INPP5A: variants seen among roughly 807,000 people sequenced by gnomAD.
INPP5A encodes the protein inositol polyphosphate-5-phosphatase A, also known as 43 kDa inositol polyphosphate 5-phophatase.
Under a neutral mutation model 65.2 loss-of-function variants are expected in INPP5A, and 14 were observed. The ratio of observed to expected loss-of-function variants is 0.21; its 90% CI spans 0.14 to 0.34. The LOEUF (loss-of-function observed/expected upper bound fraction) is 0.34, where lower values mean the gene tolerates loss of function less well. Ranked by LOEUF, INPP5A falls within the 10% of genes least tolerant of loss-of-function variation. INPP5A has a pLI of 1.00. For synonymous variants in INPP5A, 207 were observed against 208.3 expected, an observed-to-expected ratio of 0.99 and a Z score of 0.05; for missense variants, 431 against 545.6, an observed-to-expected ratio of 0.79 and a Z score of 2.09.
chr10:132,592,540 C>A (rs1418574594), intron 1 of INPP5A, among the ~76,000 whole-genome samples: 1 of 152,108 alleles, frequency 6.6e-6, no homozygotes, highest in African/African-American at 2.4e-5. Context: ...CTCAGCCTCC[C>A]AAGTAGCTGG....
intron 11 of INPP5A, among the ~76,000 whole-genome samples, chr10:132,761,171 C>T (rs112745330): frequency 1.7e-3 from 260 of 152,334 alleles, no homozygotes; most frequent in African/African-American, 5.7e-3. Flanking sequence ...GCCACATGCC[C>T]GTCTCTGGGT....
intron 4 of INPP5A, among the ~76,000 whole-genome samples, chr10:132,679,600 G>A (rs949152425): frequency 6.6e-6 from 1 of 152,122 alleles, no homozygotes; most frequent in Non-Finnish European, 1.5e-5. Context: ...TAGCCTAGAA[G>A]TAACAGAGTT....
chr10:132,653,972 A>G (rs756778991), intron 4 of INPP5A, among the ~76,000 whole-genome samples: 3 of 152,204 alleles, frequency 2.0e-5, no homozygotes, highest in Non-Finnish European at 4.4e-5. Flanking sequence ...CCCATTCTTC[A>G]GCACACACGC....
chr10:132,544,703 TAAGCC>T (rs879851873), intron 1 of INPP5A, among the ~76,000 whole-genome samples: 62 of 152,090 alleles, frequency 4.1e-4, no homozygotes, highest in Non-Finnish European at 8.2e-4. Context: ...ACTTTTGGAA[TAAGCC>T]TGGCAGTTCT....
rs184580765 is a variant in INPP5A at position 132,570,019 on chromosome 10, C to T, written c.75+31848C>T. Reference sequence around the variant, plus strand: ...TTCACCATATTGGCCAGGCTGGTCTCGAACTCCTGACCTCAGGTGATCCAC... The same window carrying T: ...TTCACCATATTGGCCAGGCTGGTCTTGAACTCCTGACCTCAGGTGATCCAC... On this transcript the variant is annotated intron_variant, in intron 1 of 15. Coordinates refer to ENST00000368594, the MANE Select transcript of INPP5A (RefSeq NM_005539.5). 2.1e-3 allele frequency among the ~76,000 whole-genome samples: 315 copies of T among 147,046 alleles called. 2 individuals are homozygous for T. Among genetic ancestry groups the T allele is most frequent in the African/African-American group, 7.0e-3 (284 of 40,368 alleles).
At position 132,650,625 on chromosome 10, in the gene INPP5A, C is replaced by G; in HGVS notation, c.306+120C>G. 3 of 713,066 alleles carry G rather than the reference C, an allele frequency of 4.2e-6. No homozygotes were observed. In the South Asian group the frequency reaches 4.7e-5, roughly 11 times the overall value. 44.2% of individuals were successfully genotyped at this position (713,066 alleles called of 1,614,324 possible). ...CTCCCTGCCTGAAGCCTCACTCACG[C>G]TGCCCTGCCTGGCACTCCCGCAGCC... On this transcript the variant is annotated intron_variant, in intron 4 of 15. Transcript: ENST00000368594. The surrounding 1 kb of genome is among the most constrained non-coding windows in gnomAD (Gnocchi z 5.5).
rs1371448044 is a variant in INPP5A, at chr10:132,546,010, C to T, written c.75+7839C>T. Among the ~76,000 whole-genome samples, 3 of 152,216 alleles carry T rather than the reference C, an allele frequency of 2.0e-5. No individual in the cohort carries two copies. The highest frequency in any genetic ancestry group is 7.2e-5 in the African/African-American group (3 of 41,454). ...GTGGAAGTGGCTCTGGAGGAGCGTC[C>T]ACCAGGTCCTGCTTGTGTACGGGGG... On this transcript the variant is annotated intron_variant, in intron 1 of 15. Transcript: ENST00000368594. This position sits in a 1 kb window ranked among gnomAD's most constrained non-coding sequence, Gnocchi z 5.7.
intron 1 of INPP5A, among the ~76,000 whole-genome samples, chr10:132,560,744 T>C (rs1188549540): frequency 6.6e-6 from 1 of 152,190 alleles, no homozygotes; most frequent in Non-Finnish European, 1.5e-5. Context: ...TAGCTGGGAC[T>C]ACAGGTGTGT....
rs142917580 is a variant in INPP5A at position 132,546,116 on chromosome 10, C to G, written c.75+7945C>G. Among the ~76,000 whole-genome samples, 17 of 152,320 alleles carry G rather than the reference C, an allele frequency of 1.1e-4. No homozygotes were observed. Among genetic ancestry groups the G allele is most frequent in the Middle Eastern group, 3.4e-3 (1 of 294 alleles). ...GCCTGCAGCCCTTGGCCGTGTCACG[C>G]CATGTGCTCATGTGACCGAGGACGC... On this transcript the variant is annotated intron_variant, in intron 1 of 15. Transcript: ENST00000368594. This position sits in a 1 kb window ranked among gnomAD's most constrained non-coding sequence, Gnocchi z 5.7.
In INPP5A at chr10:132,637,644, G is replaced by A. The variant is rs1488280015; in HGVS notation, c.118-8224G>A. The stretch of plus-strand genomic sequence containing the variant: ...TCCAGTGACTCTCCTGGCGCCTGCT[G>A]TGGCTGTCCTCCTCTGTCATGACTG... On this transcript the variant is annotated intron_variant, in intron 2 of 15. Transcript: ENST00000368594. This position sits in a 1 kb window ranked among gnomAD's most constrained non-coding sequence, Gnocchi z 4.1. 6.6e-6 allele frequency among the ~76,000 whole-genome samples: 1 copy of A among 152,168 alleles called. No individual in the cohort carries two copies. The highest frequency in any genetic ancestry group is 1.5e-5 in the Non-Finnish European group (1 of 68,026).
chr10:132,732,587 G>A (rs1846105469), intron 9 of INPP5A, among the ~76,000 whole-genome samples: 1 of 152,236 alleles, frequency 6.6e-6, no homozygotes, highest in African/African-American at 2.4e-5. Context: ...CTTGGTGCAG[G>A]GACTGGCCCG....
intron 1 of INPP5A, among the ~76,000 whole-genome samples, chr10:132,588,552 G>A (rs1369971217): frequency 2.6e-5 from 4 of 152,226 alleles, no homozygotes; most frequent in Non-Finnish European, 5.9e-5. Context: ...CGAGTCGTGC[G>A]GGGCAGGATT....
Position 132,651,507 on chromosome 10 carries a change from G to A in INPP5A, c.306+1002G>A, listed in dbSNP as rs1380757145. Among the ~76,000 whole-genome samples, 1 of 151,858 alleles carries A rather than the reference G, an allele frequency of 6.6e-6. No homozygotes were observed. The highest frequency in any genetic ancestry group is 1.9e-4 in the East Asian group (1 of 5,140). On this transcript the variant is annotated intron_variant, in intron 4 of 15. Coordinates refer to ENST00000368594, the MANE Select transcript of INPP5A (RefSeq NM_005539.5). The surrounding 1 kb of genome is among the most constrained non-coding windows in gnomAD (Gnocchi z 5.0). ...CTCTGGGGAGGCCCTGGGTCCCCCG[G>A]CCTGGTTCCATCTCCCCCGTCTCTG...
At chr10:132,774,686 C>T (rs1384331976) in intron 12 of INPP5A, among the ~76,000 whole-genome samples, 1 of 152,036 alleles carries the variant, frequency 6.6e-6, no homozygotes, top group Non-Finnish European at 1.5e-5. Flanking sequence ...CTACCCAGCC[C>T]AGCCTGCTCA....
chr10:132,541,175 G>A (rs187362457), intron 1 of INPP5A, among the ~76,000 whole-genome samples: 4 of 152,212 alleles, frequency 2.6e-5, no homozygotes, highest in Admixed American at 6.5e-5. Flanking sequence ...ACCAGGTTTC[G>A]CCGTGTTGTC....
intron 1 of INPP5A, among the ~76,000 whole-genome samples, chr10:132,540,977 G>A (rs1333907570): frequency 6.6e-6 from 1 of 152,092 alleles, no homozygotes; most frequent in Non-Finnish European, 1.5e-5. Context: ...CCCCTCTTAA[G>A]GCCCCTCCTC....
chr10:132,573,720 A>C (rs1165690829), intron 1 of INPP5A, among the ~76,000 whole-genome samples: 1 of 88,244 alleles, frequency 1.1e-5, no homozygotes. Context: ...GGTTTTGTTG[A>C]GATGTTGGGG....
At position 132,566,598 on chromosome 10, in the gene INPP5A, TTCA is replaced by T. The variant is rs2071277661; in HGVS notation, c.75+28431_75+28433del. Among the ~76,000 whole-genome samples, 3 of 152,264 alleles carry T rather than the reference TTCA, an allele frequency of 2.0e-5. No individual in the cohort carries two copies. In the South Asian group the frequency reaches 6.2e-4, roughly 31 times the overall value. ...ATTCCCTGTTTTCATAAGTTAATAG[TTCA>T]TCAGTAGAAGAAACCTTGTTAGGTT... On this transcript the variant is annotated intron_variant, in intron 1 of 15. Coordinates refer to ENST00000368594, the MANE Select transcript of INPP5A (RefSeq NM_005539.5).
intron 4 of INPP5A, among the ~76,000 whole-genome samples, chr10:132,673,404 GA>G (rs1448291114): frequency 4.6e-5 from 7 of 152,186 alleles, no homozygotes; most frequent in Non-Finnish European, 7.3e-5. Flanking sequence ...GGCTATGGGA[GA>G]AACAGTATCA....
Sources: gnomAD v4.1 joint callset for allele counts (sites outside exome capture counted in the v4.1 genomes callset) on GRCh38, gnomAD v4.1.1 for gene constraint, Gnocchi (gnomAD v3.1) non-coding constraint, MANE v1.5 for transcripts, NCBI Gene and HGNC (gene_info 2026-07-23, HGNC 2026-07-21) for gene names.